The following TSPAN14 variants were observed in gnomAD, a reference collection of about 807,000 sequenced individuals.
The protein encoded by TSPAN14 is tetraspanin 14, also known as tetraspanin-14.
TSPAN14 carries 16 observed loss-of-function variants against 36.6 expected under a neutral mutation model. That is an observed-to-expected ratio of 0.44 (90% CI 0.30 to 0.66). The LOEUF (loss-of-function observed/expected upper bound fraction) is 0.66, where lower values mean the gene tolerates loss of function less well. Ranked by LOEUF, TSPAN14 falls within the 30% of genes least tolerant of loss-of-function variation. The probability of loss-of-function intolerance (pLI) is 0.12; values close to 1 mark genes in which losing one functional copy is unlikely to be tolerated. For missense variants in TSPAN14, 231 were observed against 355.1 expected (o/e 0.65, Z 2.81); for synonymous variants, 139 against 143.8 (o/e 0.97, Z 0.24).
At chr10:80,455,819 TC>T (rs1365259967) in intron 1 of TSPAN14, among the ~76,000 whole-genome samples, 1 of 151,988 alleles carries the variant, frequency 6.6e-6, no homozygotes, top group Non-Finnish European at 1.5e-5. Context: ...GCTCAAGTGA[TC>T]CTCCCACCTC....
chr10:80,485,818 C>A (rs1847559274), intron 1 of TSPAN14: 1 of 461,766 alleles, frequency 2.2e-6, no homozygotes, highest in Non-Finnish European at 2.8e-6. Flanking sequence ...GTTTCCTCTT[C>A]TGTGGGTTGA....
intron 1 of TSPAN14, among the ~76,000 whole-genome samples, chr10:80,455,782 G>T (rs890745967): frequency 1.3e-5 from 2 of 151,990 alleles, no homozygotes; most frequent in Non-Finnish European, 2.9e-5. Context: ...CTTAGCTGCT[G>T]GTGTGATCAT....
intron 2 of TSPAN14, among the ~76,000 whole-genome samples, chr10:80,495,162 A>G (rs1848131279): frequency 6.6e-6 from 1 of 152,170 alleles, no homozygotes; most frequent in Non-Finnish European, 1.5e-5. Flanking sequence ...TTTATGTAAT[A>G]CGCATTCTTC....
intron 1 of TSPAN14, among the ~76,000 whole-genome samples, chr10:80,486,073 G>C (rs1344549072): frequency 6.6e-6 from 1 of 152,166 alleles, no homozygotes; most frequent in Non-Finnish European, 1.5e-5. Flanking sequence ...ATGTTACCAG[G>C]GGGGAAGTGA....
intron 1 of TSPAN14, among the ~76,000 whole-genome samples, chr10:80,474,520 G>A (rs977888016): frequency 6.6e-6 from 1 of 152,076 alleles, no homozygotes; most frequent in Non-Finnish European, 1.5e-5. Context: ...AAGCTCCTGA[G>A]TGTCTGGGTG....
chr10:80,496,648 G>GT (rs1211692713), intron 2 of TSPAN14, among the ~76,000 whole-genome samples: 7 of 152,146 alleles, frequency 4.6e-5, no homozygotes, highest in Admixed American at 4.6e-4. Context: ...GCTCGGTTTA[G>GT]TTTTTTATTT....
intron 1 of TSPAN14, among the ~76,000 whole-genome samples, chr10:80,455,099 C>A (rs565770272): frequency 1.3e-5 from 2 of 152,130 alleles, no homozygotes; most frequent in Non-Finnish European, 2.9e-5. Flanking sequence ...TTGTCCCGGG[C>A]CGCTGCTGCT....
chr10:80,500,161 A>G (rs931975372), intron 2 of TSPAN14, among the ~76,000 whole-genome samples: 5 of 152,010 alleles, frequency 3.3e-5, no homozygotes, highest in African/African-American at 1.2e-4. Flanking sequence ...CTGGTCTCTG[A>G]AACCAGGTTT....
intron 2 of TSPAN14, among the ~76,000 whole-genome samples, chr10:80,504,310 G>A (rs1840167798): frequency 6.6e-6 from 1 of 152,158 alleles, no homozygotes; most frequent in Non-Finnish European, 1.5e-5. Context: ...GTGGTGCCTG[G>A]TCCTATGCAG....
At chr10:80,505,604 G>A (rs756336681) in intron 3 of TSPAN14, among the ~76,000 whole-genome samples, 1 of 152,212 alleles carries the variant, frequency 6.6e-6, no homozygotes, top group Non-Finnish European at 1.5e-5. Context: ...TCCTGCCATG[G>A]TCTTAGGGAC....
intron 4 of TSPAN14, 116 bp downstream of exon 4, chr10:80,507,490 G>A: frequency 7.0e-7 from 1 of 1,432,144 alleles, no homozygotes; most frequent in East Asian, 2.3e-5. Context: ...CCTCCCCTAG[G>A]CCCCTGCCTG....
At chr10:80,458,602 C>A (rs1234629908) in intron 1 of TSPAN14, among the ~76,000 whole-genome samples, 2 of 152,158 alleles carry the variant, frequency 1.3e-5, no homozygotes, top group African/African-American at 4.8e-5. Flanking sequence ...GGCAGGCTAT[C>A]AGAGTACCCA....
rs10713598 is a variant in TSPAN14, at chr10:80,501,105, G to GTT, written c.82-3610_82-3609dup. On this transcript the variant is annotated intron_variant, in intron 2 of 8. Coordinates refer to ENST00000429989, the Ensembl canonical transcript of TSPAN14. ...TATTAATATAGATGGAACTGACGCT[G>GTT]TTTTTTTTTTTTTTCTTTTTTTTTG... Among the ~76,000 whole-genome samples the GTT allele has an allele frequency of 1.0e-4, 14 of 140,026 alleles. No homozygotes were observed. The East Asian group carries it at 1.1e-3, about 11-fold the overall frequency. 91.9% of individuals were successfully genotyped at this position (140,026 alleles called of 152,430 possible).
intron 1 of TSPAN14, among the ~76,000 whole-genome samples, chr10:80,477,908 G>A (rs1847011148): frequency 6.6e-6 from 1 of 152,000 alleles, no homozygotes; most frequent in African/African-American, 2.4e-5. Flanking sequence ...CCTAAGATGG[G>A]AAAAAAATAC....
intron 2 of TSPAN14, among the ~76,000 whole-genome samples, chr10:80,502,684 G>T (rs554011898): frequency 6.6e-6 from 1 of 152,130 alleles, no homozygotes; most frequent in Non-Finnish European, 1.5e-5. Flanking sequence ...CCAAGGCTGC[G>T]TAGTGGGGCA....
chr10:80,511,711 C>CCCCT, intron 5 of TSPAN14, among the ~76,000 whole-genome samples: 1 of 25,812 alleles, frequency 3.9e-5, no homozygotes, highest in East Asian at 1.6e-3. Flanking sequence ...AAGGGCAGGT[C>CCCCT]CTCTCTCTCT....
chr10:80,490,510 C>A (rs1055738281), intron 2 of TSPAN14, among the ~76,000 whole-genome samples: 2 of 152,144 alleles, frequency 1.3e-5, no homozygotes, highest in Non-Finnish European at 2.9e-5. Flanking sequence ...AGTAGAAAGG[C>A]ACAGTCAACC....
intron 2 of TSPAN14, among the ~76,000 whole-genome samples, chr10:80,492,437 G>A (rs1847969633): frequency 6.6e-6 from 1 of 152,210 alleles, no homozygotes; most frequent in African/African-American, 2.4e-5. Flanking sequence ...GTTTGAATGT[G>A]CAGAAGGCAA....
intron 2 of TSPAN14, among the ~76,000 whole-genome samples, chr10:80,492,915 C>A (rs940654286): frequency 5.1e-4 from 78 of 152,202 alleles, no homozygotes; most frequent in African/African-American, 1.9e-3. Flanking sequence ...ACTTTGGGGC[C>A]AAGGTTTTCC....
Sources: gnomAD v4.1 joint callset for allele counts (sites outside exome capture counted in the v4.1 genomes callset) on GRCh38, gnomAD v4.1.1 for gene constraint, MANE v1.5 for transcripts, NCBI Gene and HGNC (gene_info 2026-07-23, HGNC 2026-07-21) for gene names.